Variants in RHCE observed in about 807,000 individuals in gnomAD.
RHCE encodes blood group Rh(CE) polypeptide.
In RHCE, 22 loss-of-function variants were observed where a neutral mutation model predicts 43.8. The ratio of observed to expected loss-of-function variants is 0.50; its 90% CI spans 0.36 to 0.72. The LOEUF (loss-of-function observed/expected upper bound fraction) is 0.72. Ranked by LOEUF, RHCE falls within the 30% of genes least tolerant of loss-of-function variation. The pLI, the probability that RHCE is intolerant of heterozygous loss-of-function variation, is 0.00. For synonymous variants in RHCE, 156 were observed against 210.7 expected (o/e 0.74, Z 2.25); for missense variants, 385 against 525.4 (o/e 0.73, Z 2.61).
chr1:25,404,116 C>T (rs1329542379), intron 2 of RHCE, among the ~76,000 whole-genome samples: 1 of 141,434 alleles, frequency 7.1e-6, no homozygotes. Context: ...TGCAGTCAGC[C>T]GAGATTGCAC....
intron 1 of RHCE, among the ~76,000 whole-genome samples, chr1:25,419,573 C>T (rs1448310612): frequency 2.0e-5 from 3 of 152,156 alleles, no homozygotes; most frequent in East Asian, 3.9e-4. Context: ...CAAGGAGGCC[C>T]TGTCCATTAT....
In RHCE at chr1:25,362,499, A is replaced by G; in HGVS notation, c.*28T>C. The G allele has an allele frequency of 1.3e-6, 2 of 1,590,840 alleles. No individual in the cohort carries two copies. Among genetic ancestry groups the G allele is most frequent in the Admixed American group, 1.8e-5 (1 of 55,890 alleles). On this transcript the variant is annotated 3_prime_UTR_variant, in exon 10 of 10. Coordinates refer to ENST00000294413, the MANE Select transcript of RHCE (RefSeq NM_020485.8). ...AGAGGAAGTTGTCTTGTTTTTGAACAGGCCTTGTTTTTCTTGGATGCTTTT... is the reference window on the plus strand; with the variant it reads ...AGAGGAAGTTGTCTTGTTTTTGAACGGGCCTTGTTTTTCTTGGATGCTTTT...
At chr1:25,410,805 A>C (rs1647049759) in intron 1 of RHCE, among the ~76,000 whole-genome samples, 1 of 152,010 alleles carries the variant, frequency 6.6e-6, no homozygotes. Context: ...AACCTCACTA[A>C]ATTGCCACCA....
intron 2 of RHCE, among the ~76,000 whole-genome samples, chr1:25,428,773 T>C (rs2042824650): frequency 6.6e-6 from 1 of 152,192 alleles, no homozygotes; most frequent in South Asian, 2.1e-4. Flanking sequence ...TAACTGTATC[T>C]CTGCAGGGTA....
chr1:25,422,218 G>A (rs1446822292), upstream of RHCE, among the ~76,000 whole-genome samples: 1 of 152,346 alleles, frequency 6.6e-6, no homozygotes, highest in Middle Eastern at 3.4e-3. Context: ...TCCGCTAGCA[G>A]GGGGTTGGTT....
chr1:25,408,919 T>C, intron 1 of RHCE, 50 bp from the exon 2 acceptor site: 1 of 1,190,618 alleles, frequency 8.4e-7, no homozygotes, highest in East Asian at 4.3e-5. Context: ...CAGACGAGAT[T>C]TAGGGTGGTA....
At chr1:25,425,863 C>T (rs892341463) in intron 2 of RHCE, among the ~76,000 whole-genome samples, 1 of 152,234 alleles carries the variant, frequency 6.6e-6, no homozygotes, top group Non-Finnish European at 1.5e-5. Flanking sequence ...AATGTGTCCA[C>T]GCCAAGGGTG....
chr1:25,372,951 TACC>T (rs984214220), intron 8 of RHCE, among the ~76,000 whole-genome samples: 7 of 151,456 alleles, frequency 4.6e-5, no homozygotes, highest in African/African-American at 1.7e-4. Context: ...ACTACAGGTG[TACC>T]ACCACACCTG....
At chr1:25,371,619 C>T (rs1334130711) in intron 8 of RHCE, among the ~76,000 whole-genome samples, 3 of 151,396 alleles carry the variant, frequency 2.0e-5, no homozygotes, top group Admixed American at 6.6e-5. Flanking sequence ...GTGATCTGCC[C>T]GCCTTTGCCT....
intron 2 of RHCE, among the ~76,000 whole-genome samples, chr1:25,404,082 C>T (rs1243121898): frequency 2.7e-5 from 4 of 145,708 alleles, no homozygotes; most frequent in African/African-American, 1.0e-4. Flanking sequence ...GCATGGCAGT[C>T]GCTTGAACCC....
rs537957122 is a variant in RHCE at position 25,362,287 on chromosome 1, A to C, written c.*240T>G. The C allele has an allele frequency of 6.7e-6, 6 of 890,872 alleles. No individual in the cohort carries two copies. The East Asian group carries it at 1.6e-4, about 24-fold the overall frequency. The allele number at this position is 890,872 out of a possible 1,614,324, so 55.2% of individuals were successfully genotyped here. A position where few individuals can be genotyped will look rare whatever the true frequency, so the allele number is the denominator to read the frequency against. On this transcript the variant is annotated 3_prime_UTR_variant, in exon 10 of 10. Transcript: ENST00000294413. ...AAACTTTAATAATGTGTCTGTAACC[A>C]AGAAAATATTGATAGCATCATCCTA...
In RHCE at chr1:25,392,594, A is replaced by G. The variant is rs1323561669; in HGVS notation, c.487-453T>C. ...TTTTTTTTTTTTTTTTTTTTGAGAC[A>G]GAGTCTTGCTCCATTGCTCAAGCTG... On this transcript the variant is annotated intron_variant, in intron 3 of 9. Transcript: ENST00000294413. 2.9e-5 allele frequency among the ~76,000 whole-genome samples: 3 copies of G among 104,436 alleles called. No homozygotes were observed. The East Asian group carries it at 8.5e-4, about 29-fold the overall frequency. 68.5% of individuals were successfully genotyped at this position (104,436 alleles called of 152,430 possible).
At chr1:25,386,844 C>A (rs1450149966) in intron 6 of RHCE, among the ~76,000 whole-genome samples, 1,056 of 69,566 alleles carry the variant, frequency 0.015, 12 homozygotes, top group African/African-American at 0.038. Context: ...AACAACAAAA[C>A]ACACACACAC....
At chr1:25,407,304 T>C (rs1646949959) in intron 2 of RHCE, among the ~76,000 whole-genome samples, 1 of 123,048 alleles carries the variant, frequency 8.1e-6, no homozygotes, top group Non-Finnish European at 1.9e-5. Flanking sequence ...GTGTTTCATG[T>C]TCTGACCACT....
In RHCE at chr1:25,362,348, G is replaced by C; in HGVS notation, c.*179C>G. The C allele has an allele frequency of 7.4e-7, 1 of 1,354,864 alleles. No homozygotes were observed. Among genetic ancestry groups the C allele is most frequent in the Non-Finnish European group, 1.0e-6 (1 of 983,292 alleles). 83.9% of individuals were successfully genotyped at this position (1,354,864 alleles called of 1,614,324 possible). The stretch of plus-strand genomic sequence containing the variant: ...ACATTTATTTTAAACTTATTAAATT[G>C]ACTCTTAAACTAAGTTTTTAGTCTT... On this transcript the variant is annotated 3_prime_UTR_variant, in exon 10 of 10. Transcript: ENST00000294413.
At chr1:25,398,690 G>T in intron 3 of RHCE, 1 of 1,397,546 alleles carries the variant, frequency 7.2e-7, no homozygotes. Context: ...CATTTCTCTC[G>T]TTAAGATGAA....
At chr1:25,399,233 T>A in intron 3 of RHCE, 4 of 796,034 alleles carry the variant, frequency 5.0e-6, no homozygotes, top group Non-Finnish European at 9.0e-6. Flanking sequence ...AGAATTGATG[T>A]ATGCCTCTTT....
rs781442079 is a variant in RHCE at position 25,362,449 on chromosome 1, T to G, written c.*78A>C. ...GAGACTTTGCTGTCATGAGCGTTTCTCACGTACAAATGCAGGCAACAGTGA... is the reference window on the plus strand; with the variant it reads ...GAGACTTTGCTGTCATGAGCGTTTCGCACGTACAAATGCAGGCAACAGTGA... On this transcript the variant is annotated 3_prime_UTR_variant, in exon 10 of 10. Transcript: ENST00000294413. 3.7e-6 allele frequency: 6 copies of G among 1,613,430 alleles called. No homozygotes were observed. In the African/African-American group the frequency reaches 8.0e-5, roughly 22 times the overall value.
chr1:25,383,554 G>A (rs1646062536), intron 7 of RHCE, among the ~76,000 whole-genome samples: 1 of 152,194 alleles, frequency 6.6e-6, no homozygotes, highest in Non-Finnish European at 1.5e-5. Context: ...GAGATTTAGG[G>A]AGTTTGAGTA....
Sources: gnomAD v4.1 joint callset for allele counts (sites outside exome capture counted in the v4.1 genomes callset) on GRCh38, gnomAD v4.1.1 for gene constraint, MANE v1.5 for transcripts, NCBI Gene and HGNC (gene_info 2026-07-23, HGNC 2026-07-21) for gene names.